Variants in ADAMTS12 observed in about 807,000 individuals in gnomAD.
The protein encoded by ADAMTS12 is A disintegrin and metalloproteinase with thrombospondin motifs 12.
ADAMTS12 carries 118 observed loss-of-function variants against 167.8 expected under a neutral mutation model. That is an observed-to-expected ratio of 0.70 (90% CI 0.61 to 0.82). The LOEUF (loss-of-function observed/expected upper bound fraction) is 0.82, where lower values mean the gene tolerates loss of function less well. Among genes scored for constraint, ADAMTS12 ranks in the 40% least tolerant of loss-of-function variants. ADAMTS12 has a pLI of 0.00. For synonymous variants in ADAMTS12, 704 were observed against 716.9 expected (o/e 0.98, Z 0.29); for missense variants, 1,916 against 1,998.8 (o/e 0.96, Z 0.79).
At chr5:33,629,870 A>C (rs561021720) in intron 13 of ADAMTS12, among the ~76,000 whole-genome samples, 57 of 152,278 alleles carry the variant, frequency 3.7e-4, no homozygotes, top group African/African-American at 1.4e-3. Flanking sequence ...GCAATGCACT[A>C]TTCCCAAATA....
At position 33,529,717 on chromosome 5, in the gene ADAMTS12, T is replaced by A. The variant is rs1224378377; in HGVS notation, c.4607-2351A>T. Among the ~76,000 whole-genome samples the A allele has an allele frequency of 2.6e-5, 4 of 152,286 alleles. No homozygotes were observed. In the East Asian group the frequency reaches 5.8e-4, roughly 22 times the overall value. On this transcript the variant is annotated intron_variant, in intron 23 of 23. Coordinates refer to ENST00000504830, the MANE Select transcript of ADAMTS12 (RefSeq NM_030955.4). Reference sequence around the variant, plus strand: ...CCTTATTTTTGTGAAGAAATGAATGTCTTCTGTTAGCTTCCAGAGTCCTGT... The same window carrying A: ...CCTTATTTTTGTGAAGAAATGAATGACTTCTGTTAGCTTCCAGAGTCCTGT...
Position 33,867,321 on chromosome 5 carries a change from G to A in ADAMTS12, c.489+13798C>T, listed in dbSNP as rs146111075. Among the ~76,000 whole-genome samples the A allele has an allele frequency of 3.7e-3, 569 of 152,242 alleles. 4 individuals carry two copies. Among genetic ancestry groups the A allele is most frequent in the African/African-American group, 0.013 (543 of 41,542 alleles). On this transcript the variant is annotated intron_variant, in intron 2 of 23. Transcript: ENST00000504830. ...AATGTCTTTTGCAGAAACTTGGATG[G>A]AGCTAAAAGTCATTATTCTAAGTGA... is the stretch of plus-strand genomic sequence containing the variant.
intron 23 of ADAMTS12, among the ~76,000 whole-genome samples, chr5:33,530,974 G>A (rs1381017647): frequency 6.6e-6 from 1 of 152,130 alleles, no homozygotes; most frequent in African/African-American, 2.4e-5. Context: ...GTTAAGATGA[G>A]GTCACTCTGA....
At chr5:33,604,139 A>AAAC (rs2112061147) in intron 16 of ADAMTS12, among the ~76,000 whole-genome samples, 2 of 152,360 alleles carry the variant, frequency 1.3e-5, no homozygotes, top group South Asian at 4.1e-4. Flanking sequence ...AATAGATATA[A>AAAC]AACAAGATCA....
chr5:33,738,847 A>T (rs994683652), intron 3 of ADAMTS12, among the ~76,000 whole-genome samples: 3 of 152,172 alleles, frequency 2.0e-5, no homozygotes, highest in Non-Finnish European at 4.4e-5. Context: ...CTTTGAGAGG[A>T]TGGCGTGGGG....
intron 19 of ADAMTS12, among the ~76,000 whole-genome samples, chr5:33,568,401 A>G (rs1746122761): frequency 6.6e-6 from 1 of 152,214 alleles, no homozygotes; most frequent in African/African-American, 2.4e-5. Flanking sequence ...GCTTCTAGTC[A>G]ATTCCATGAC....
chr5:33,560,890 G>T, intron 20 of ADAMTS12, 137 bp downstream of exon 20: 1 of 1,158,242 alleles, frequency 8.6e-7, no homozygotes, highest in Non-Finnish European at 1.2e-6. Flanking sequence ...TGAACGTTGT[G>T]CACATGTACC....
At chr5:33,698,426 C>G (rs1468112270) in intron 3 of ADAMTS12, among the ~76,000 whole-genome samples, 1 of 151,944 alleles carries the variant, frequency 6.6e-6, no homozygotes, top group Non-Finnish European at 1.5e-5. Context: ...TCATGGTTCC[C>G]AGAATAAAAA....
At chr5:33,839,117 G>A (rs1477652234) in intron 2 of ADAMTS12, among the ~76,000 whole-genome samples, 5 of 152,194 alleles carry the variant, frequency 3.3e-5, no homozygotes, top group East Asian at 1.9e-4. Context: ...GCAGAAGAGC[G>A]TTGAGATCAA....
At chr5:33,864,881 C>T (rs569729302) in intron 2 of ADAMTS12, among the ~76,000 whole-genome samples, 1 of 152,100 alleles carries the variant, frequency 6.6e-6, no homozygotes, top group African/African-American at 2.4e-5. Context: ...GGAGAAATAC[C>T]TAATGTAGAT....
chr5:33,609,512 A>G (rs12697293), intron 16 of ADAMTS12, among the ~76,000 whole-genome samples: 90,723 of 151,442 alleles, frequency 0.6, 27,553 homozygotes, highest in East Asian at 0.82. Context: ...CTGGGACTAC[A>G]GGCGCCCACC....
At chr5:33,709,150 G>A (rs749612800) in intron 3 of ADAMTS12, among the ~76,000 whole-genome samples, 12 of 152,112 alleles carry the variant, frequency 7.9e-5, no homozygotes, top group Non-Finnish European at 1.3e-4. Context: ...AAACCACAAT[G>A]AGATACCATC....
intron 18 of ADAMTS12, among the ~76,000 whole-genome samples, chr5:33,580,418 C>A (rs1747004666): frequency 6.6e-6 from 1 of 151,954 alleles, no homozygotes; most frequent in Admixed American, 6.6e-5. Context: ...GTCACAAGAA[C>A]AGCACGGGGG....
chr5:33,642,630 G>A (rs888577351), intron 10 of ADAMTS12, among the ~76,000 whole-genome samples: 1 of 152,196 alleles, frequency 6.6e-6, no homozygotes. Flanking sequence ...TATCGGTTTA[G>A]GAGAGTAAAT....
intron 2 of ADAMTS12, among the ~76,000 whole-genome samples, chr5:33,829,888 C>T (rs1748229105): frequency 1.3e-5 from 2 of 152,198 alleles, no homozygotes. Flanking sequence ...AGTCCTTTTC[C>T]ATCTGAGGCA....
rs1746756428 is a variant in ADAMTS12 at position 33,576,821 on chromosome 5, C to T, written c.3205G>A (p.Asp1069Asn). Reference sequence around the variant, plus strand: ...CTCAGCTCAGGTTGGGTTGAGCTATCTTGCCACTGTTTCCCACCCAGGTCT... The same window carrying T: ...CTCAGCTCAGGTTGGGTTGAGCTATTTTGCCACTGTTTCCCACCCAGGTCT... ...EGDLGGKQWQ[D>N]SSTQPELSSR... Residue 1069 changes from aspartate to asparagine, a missense_variant, in exon 19 of 24, where the codon GAT (aspartate) becomes AAT (asparagine). Physicochemically the swap from Asp to Asn is conservative, Grantham distance 23. Transcript: ENST00000504830. 1 of 1,614,192 alleles carries T rather than the reference C, an allele frequency of 6.2e-7. No homozygotes were observed. Among genetic ancestry groups the T allele is most frequent in the Non-Finnish European group, 8.5e-7 (1 of 1,180,024 alleles).
At chr5:33,812,283 C>T (rs1348763132) in intron 2 of ADAMTS12, among the ~76,000 whole-genome samples, 3 of 151,980 alleles carry the variant, frequency 2.0e-5, no homozygotes, top group Non-Finnish European at 4.4e-5. Context: ...AGCAAGACTC[C>T]GTCTCAAAAA....
At position 33,872,370 on chromosome 5, in the gene ADAMTS12, C is replaced by A. The variant is rs543092129; in HGVS notation, c.489+8749G>T. Among the ~76,000 whole-genome samples the A allele has an allele frequency of 1.6e-3, 236 of 151,982 alleles. 2 individuals are homozygous for A. Among genetic ancestry groups the A allele is most frequent in the African/African-American group, 5.4e-3 (226 of 41,470 alleles). ...ACCAGCCTGGCCAATATGGTGAAACCCCGTCTCCACTAAAAAAAATACAAA... is the reference window on the plus strand; with the variant it reads ...ACCAGCCTGGCCAATATGGTGAAACACCGTCTCCACTAAAAAAAATACAAA... On this transcript the variant is annotated intron_variant, in intron 2 of 23. Transcript: ENST00000504830.
intron 2 of ADAMTS12, among the ~76,000 whole-genome samples, chr5:33,847,840 A>T (rs1008259368): frequency 2.0e-5 from 3 of 152,152 alleles, no homozygotes; most frequent in African/African-American, 7.2e-5. Context: ...TGTAAGGTGA[A>T]TGAGGTAGAA....
Sources: allele counts gnomAD v4.1 joint callset (sites outside exome capture counted in the v4.1 genomes callset), GRCh38; gene constraint gnomAD v4.1.1; transcripts MANE v1.5; gene names NCBI Gene and HGNC (gene_info 2026-07-23, HGNC 2026-07-21).